TMPRSS7: variants seen among roughly 807,000 people sequenced by gnomAD.
TMPRSS7 encodes transmembrane protease serine 7.
Under a neutral mutation model 95.6 loss-of-function variants are expected in TMPRSS7, and 81 were observed. That is an observed-to-expected ratio of 0.85 (90% confidence interval 0.71 to 1.02). The LOEUF (loss-of-function observed/expected upper bound fraction) is 1.02. TMPRSS7 is among the 50% of genes least tolerant of loss of function. The pLI, the probability that TMPRSS7 is intolerant of heterozygous loss-of-function variation, is 0.00. For missense variants in TMPRSS7, 945 were observed against 955.2 expected, an observed-to-expected ratio of 0.99 and a Z score of 0.14; for synonymous variants, 364 against 337.8, an observed-to-expected ratio of 1.08 and a Z score of -0.85.
At chr3:112,061,670 A>G (rs997672914) in intron 10 of TMPRSS7, 117 bp from the exon 11 acceptor site, 5 of 1,120,080 alleles carry the variant, frequency 4.5e-6, no homozygotes, top group Non-Finnish European at 5.1e-6. Context: ...TAGCTCTACC[A>G]TACGCATCTC....
intron 5 of TMPRSS7, 39 bp downstream of exon 5, chr3:112,045,982 C>A: frequency 2.0e-6 from 3 of 1,480,874 alleles, no homozygotes; most frequent in Non-Finnish European, 1.8e-6. Context: ...TTCCTTCCTG[C>A]AGGACTCCTG....
chr3:112,041,216 C>G (rs772232129), intron 2 of TMPRSS7, among the ~76,000 whole-genome samples: 1 of 152,142 alleles, frequency 6.6e-6, no homozygotes, highest in Non-Finnish European at 1.5e-5. Context: ...AAAAACAAAT[C>G]AAGGACAGGA....
intron 3 of TMPRSS7, 140 bp downstream of exon 3, chr3:112,042,190 G>A (rs1191877893): frequency 6.8e-6 from 4 of 583,998 alleles, no homozygotes; most frequent in African/African-American, 1.9e-5. Context: ...GAAGGTGTCA[G>A]AAGAAAACAT....
intron 10 of TMPRSS7, among the ~76,000 whole-genome samples, chr3:112,057,789 G>A (rs531581367): frequency 6.6e-6 from 1 of 152,128 alleles, no homozygotes; most frequent in East Asian, 1.9e-4. Flanking sequence ...GCTGTGGTGC[G>A]ATCTTGGCTC....
At chr3:112,067,950 C>G (rs955803969) in intron 13 of TMPRSS7, among the ~76,000 whole-genome samples, 3 of 152,044 alleles carry the variant, frequency 2.0e-5, no homozygotes, top group African/African-American at 7.2e-5. Context: ...CTTCTAGGGA[C>G]TTTATGGTTT....
chr3:112,055,240 G>A (rs2073417575), intron 9 of TMPRSS7, among the ~76,000 whole-genome samples: 1 of 151,940 alleles, frequency 6.6e-6, no homozygotes, highest in African/African-American at 2.4e-5. Flanking sequence ...CTGAATCTGT[G>A]GTCTGCATTT....
intron 13 of TMPRSS7, among the ~76,000 whole-genome samples, chr3:112,066,730 TGTGA>T (rs1335322311): frequency 1.3e-5 from 2 of 152,148 alleles, no homozygotes; most frequent in Non-Finnish European, 2.9e-5. Context: ...TGTGTATGTG[TGTGA>T]GTGTGTGTGT....
At chr3:112,076,525 A>G (rs982344137) in intron 15 of TMPRSS7, among the ~76,000 whole-genome samples, 11 of 152,238 alleles carry the variant, frequency 7.2e-5, no homozygotes, top group African/African-American at 2.7e-4. Context: ...CAGCATGAAT[A>G]GGAAGAATGT....
chr3:112,063,581 C>T (rs775082233), exon 12 of TMPRSS7: 98 of 1,613,886 alleles, frequency 6.1e-5, no homozygotes, highest in Non-Finnish European at 7.5e-5. Context: ...TCAGGCCCAG[C>T]GTTGTGATGG....
chr3:112,050,878 T>A, intron 9 of TMPRSS7, 95 bp downstream of exon 9: 1 of 613,580 alleles, frequency 1.6e-6, no homozygotes, highest in Non-Finnish European at 2.7e-6. Context: ...AGAATATTGC[T>A]TAATTTTATA....
At chr3:112,073,893 C>G (rs930822992) in intron 13 of TMPRSS7, among the ~76,000 whole-genome samples, 3 of 152,228 alleles carry the variant, frequency 2.0e-5, no homozygotes, top group African/African-American at 7.2e-5. Context: ...ATTCACAAGT[C>G]TGTCCATTTT....
In TMPRSS7 at chr3:112,066,801, T is replaced by C. The variant is rs376395354; in HGVS notation, c.1666+299T>C. Among the ~76,000 whole-genome samples, 15 of 152,062 alleles carry C rather than the reference T, an allele frequency of 9.9e-5. No individual in the cohort carries two copies. In the East Asian group the frequency reaches 2.5e-3, roughly 25 times the overall value. ...TTTTTTTTTTCAATTTTTAAAAATTTTATTTTAGTGTTGAAAACACTTTTT... is the reference window on the plus strand; with the variant it reads ...TTTTTTTTTTCAATTTTTAAAAATTCTATTTTAGTGTTGAAAACACTTTTT... On this transcript the variant is annotated intron_variant, in intron 13 of 17. Coordinates refer to ENST00000452346, the Ensembl canonical transcript of TMPRSS7.
chr3:112,048,119 T>C (rs1418660664), intron 7 of TMPRSS7, 152 bp downstream of exon 7: 3 of 647,390 alleles, frequency 4.6e-6, no homozygotes, highest in African/African-American at 3.7e-5. Context: ...TAGTATCCCC[T>C]ATACTTTAGT....
At chr3:112,066,474 T>A (rs376418894) in exon 13 of TMPRSS7, 2 of 1,613,972 alleles carry the variant, frequency 1.2e-6, no homozygotes, top group African/African-American at 2.7e-5. Flanking sequence ...ACTGTGAGAA[T>A]GGCCGGGATG....
intron 3 of TMPRSS7, 84 bp downstream of exon 3, chr3:112,042,134 C>A (rs2073217190): frequency 1.7e-6 from 2 of 1,151,256 alleles, no homozygotes; most frequent in African/African-American, 1.5e-5. Flanking sequence ...ACACAAGTGT[C>A]ACAGGTGAGC....
At chr3:112,054,460 A>G (rs748844062) in intron 9 of TMPRSS7, among the ~76,000 whole-genome samples, 5 of 152,232 alleles carry the variant, frequency 3.3e-5, no homozygotes, top group Admixed American at 6.5e-5. Context: ...AATATAAGTA[A>G]TGACTTTTGG....
At position 112,050,654 on chromosome 3, in the gene TMPRSS7, C is replaced by T; in HGVS notation, c.1091-17C>T. On this transcript the variant is annotated splice_polypyrimidine_tract_variant and intron_variant, in intron 8 of 17. Coordinates refer to ENST00000452346, the Ensembl canonical transcript of TMPRSS7. Reference sequence around the variant, plus strand: ...CACAGCTGCAAATCATTGTGTGTCACTGGGTATCTTTTCCAGAGTGTGAAA... The same window carrying T: ...CACAGCTGCAAATCATTGTGTGTCATTGGGTATCTTTTCCAGAGTGTGAAA... 1 of 1,467,748 alleles carries T rather than the reference C, an allele frequency of 6.8e-7. No homozygotes were observed. Among genetic ancestry groups the T allele is most frequent in the Non-Finnish European group, 9.3e-7 (1 of 1,073,936 alleles). 90.9% of individuals were successfully genotyped at this position (1,467,748 alleles called of 1,614,324 possible).
chr3:112,050,625 A>G (rs1379415083), intron 8 of TMPRSS7, 46 bp from the exon 9 acceptor site: 2 of 1,088,688 alleles, frequency 1.8e-6, no homozygotes, highest in East Asian at 2.7e-5. Flanking sequence ...ATTTTCCATA[A>G]TCTCACAGCT....
At chr3:112,044,259 A>G in exon 4 of TMPRSS7, 1 of 1,549,562 alleles carries the variant, frequency 6.5e-7, no homozygotes, top group Non-Finnish European at 8.7e-7. Flanking sequence ...TTTCAGATAA[A>G]CCTGGTTTAT....
Sources: allele counts gnomAD v4.1 joint callset (sites outside exome capture counted in the v4.1 genomes callset), GRCh38; gene constraint gnomAD v4.1.1; transcripts MANE v1.5; gene names NCBI Gene and HGNC (gene_info 2026-07-23, HGNC 2026-07-21).